CTNNB1: variants seen among roughly 807,000 people sequenced by gnomAD.
CTNNB1 encodes the protein catenin beta 1.
A neutral mutation model predicts 82.5 loss-of-function variants in CTNNB1; 6 were observed. The observed-to-expected ratio is 0.07, with a 90% CI of 0.04 to 0.14. CTNNB1 has a LOEUF of 0.14. CTNNB1 is among the 10% of genes least tolerant of loss of function. The pLI is 1.00. For missense variants in CTNNB1, 529 were observed against 980.4 expected (o/e 0.54, Z 6.15); for synonymous variants, 312 against 329.7 (o/e 0.95, Z 0.58).
chr3:41,201,785 C>T (rs1024211100), intron 1 of CTNNB1, among the ~76,000 whole-genome samples: 1 of 151,628 alleles, frequency 6.6e-6, no homozygotes, highest in Non-Finnish European at 1.5e-5. Context: ...GTTTTTTAAA[C>T]TGTTATCTGA....
At chr3:41,236,903 A>G (rs1379307673) in intron 13 of CTNNB1, 194 bp downstream of exon 13, 1 of 647,386 alleles carries the variant, frequency 1.5e-6, no homozygotes, top group Non-Finnish European at 2.7e-6. Flanking sequence ...TCTGTTCAGA[A>G]TCATTACAAA....
chr3:41,234,343 A>G (rs757904168), intron 10 of CTNNB1, 46 bp downstream of exon 10: 15 of 1,600,120 alleles, frequency 9.4e-6, no homozygotes, highest in African/African-American at 2.7e-5. Flanking sequence ...AAAGGAATGC[A>G]TAAATCCAAA....
chr3:41,232,327 T>C (rs768437934), intron 7 of CTNNB1, among the ~76,000 whole-genome samples: 4 of 152,048 alleles, frequency 2.6e-5, no homozygotes, highest in Non-Finnish European at 4.4e-5. Flanking sequence ...TGATCATCAG[T>C]CTTACGCAGA....
intron 1 of CTNNB1, among the ~76,000 whole-genome samples, chr3:41,201,203 T>C (rs992875162): frequency 3.3e-5 from 5 of 152,230 alleles, no homozygotes; most frequent in African/African-American, 1.2e-4. Flanking sequence ...ATAGTAAATA[T>C]AGTCTCAAGT....
chr3:41,223,831 T>C (rs1040486242), intron 1 of CTNNB1, among the ~76,000 whole-genome samples, 190 bp from the exon 2 acceptor site: 1 of 152,184 alleles, frequency 6.6e-6, no homozygotes, highest in Non-Finnish European at 1.5e-5. Flanking sequence ...TCACTGAAGT[T>C]CAGCAGTGAT....
rs11564470 is a variant in CTNNB1, at chr3:41,237,054, C to T, written c.2076+345C>T. On this transcript the variant is annotated intron_variant, in intron 13 of 14. Transcript: ENST00000349496. ...GAGGACAGTTTATCAGTATTTTTTA[C>T]TAAACTTTAATAAAACTTTTCTATT... The T allele has an allele frequency of 3.4e-3, 1,414 of 413,110 alleles. 26 individuals carry two copies. Among genetic ancestry groups the T allele is most frequent in the African/African-American group, 0.026 (1,277 of 49,182 alleles). 25.6% of individuals were successfully genotyped at this position (413,110 alleles called of 1,614,324 possible). A position where few individuals can be genotyped will look rare whatever the true frequency, so the allele number is the denominator to read the frequency against.
chr3:41,226,063 C>T (rs955575110), intron 6 of CTNNB1, among the ~76,000 whole-genome samples: 3 of 152,072 alleles, frequency 2.0e-5, no homozygotes, highest in Non-Finnish European at 4.4e-5. Context: ...TCATAGGGAG[C>T]GTGCAGCCTA....
intron 1 of CTNNB1, 130 bp downstream of exon 1, chr3:41,199,800 G>A (rs1048859648): frequency 6.6e-6 from 1 of 151,554 alleles, no homozygotes; most frequent in South Asian, 2.1e-4. Context: ...TGGGAGCGGG[G>A]AGCTCAGGTG....
intron 11 of CTNNB1, 113 bp from the exon 12 acceptor site, chr3:41,236,236 C>A: frequency 8.4e-7 from 1 of 1,197,264 alleles, no homozygotes; most frequent in Non-Finnish European, 1.2e-6. Flanking sequence ...ATATTATTTA[C>A]TACAGTGTGA....
At chr3:41,236,089 G>A in intron 11 of CTNNB1, 1 of 680,292 alleles carries the variant, frequency 1.5e-6, no homozygotes, top group Non-Finnish European at 2.5e-6. Flanking sequence ...GCAGGGCATA[G>A]ACCCCCAACC....
At chr3:41,209,648 C>T (rs568486150) in intron 1 of CTNNB1, among the ~76,000 whole-genome samples, 190 of 152,270 alleles carry the variant, frequency 1.2e-3, no homozygotes, top group Non-Finnish European at 2.3e-3. Context: ...GCCTACTACA[C>T]ATCTAGGCTA....
chr3:41,238,576 T>C, intron 14 of CTNNB1: 1 of 193,726 alleles, frequency 5.2e-6, no homozygotes, highest in South Asian at 1.0e-4. Context: ...CCGCATCTGC[T>C]TCTACCTAAT....
In CTNNB1 at chr3:41,224,558, C is replaced by A. The variant is rs1290293308; in HGVS notation, c.46C>A (p.Pro16Thr). 6.2e-7 allele frequency: 1 copy of A among 1,613,730 alleles called. No homozygotes were observed. The highest frequency in any genetic ancestry group is 8.5e-7 in the Non-Finnish European group (1 of 1,179,942). Residue 16 changes from proline to threonine, a missense_variant, in exon 3 of 15, where the codon CCA (proline) becomes ACA (threonine). Pro to Thr is a conservative substitution (Grantham distance 38). This residue lies in a region of CTNNB1 where 13 missense variants were observed against 48.6 expected (regional missense o/e 0.27). Transcript: ENST00000349496. ...DLMELDMAME[P>T]DRKAAVSHWQ... ...GATGGAGTTGGACATGGCCATGGAA[C>A]CAGACAGAAAAGCGGCTGTTAGTCA... is the stretch of plus-strand genomic sequence containing the variant.
At position 41,233,806 on chromosome 3, in the gene CTNNB1, A is replaced by G. The variant is rs2125640534; in HGVS notation, c.1463A>G (p.His488Arg). ...ATGGCCCAGAATGCAGTTCGCCTTC[A>G]CTATGGACTACCAGTTGTGGTTAAG... ...AEMAQNAVRL[H>R]YGLPVVVKLL... Residue 488 changes from histidine (H) to arginine (R), a missense_variant, in exon 9 of 15, where the codon CAC becomes CGC. By Grantham distance (29) the His-to-Arg change is conservative. This residue lies in a region of CTNNB1 where 411 missense variants were observed against 776.4 expected (regional missense o/e 0.53). Coordinates refer to ENST00000349496, the MANE Select transcript of CTNNB1 (RefSeq NM_001904.4). The G allele has an allele frequency of 6.2e-7, 1 of 1,613,188 alleles. No individual in the cohort carries two copies. The highest frequency in any genetic ancestry group is 8.5e-7 in the Non-Finnish European group (1 of 1,179,320).
chr3:41,226,809 A>G (rs2125626541), intron 6 of CTNNB1, among the ~76,000 whole-genome samples: 1 of 152,332 alleles, frequency 6.6e-6, no homozygotes, highest in Middle Eastern at 3.4e-3. Flanking sequence ...AGGAAAATTA[A>G]AGGGCCAAAT....
At position 41,235,583 on chromosome 3, in the gene CTNNB1, T is replaced by G; in HGVS notation, c.1684-141T>G. The G allele has an allele frequency of 3.6e-6, 4 of 1,112,394 alleles. 1 individual carries two copies. Among genetic ancestry groups the G allele is most frequent in the African/African-American group, 3.1e-5 (2 of 65,080 alleles). 68.9% of individuals were successfully genotyped at this position (1,112,394 alleles called of 1,614,324 possible). On this transcript the variant is annotated intron_variant, in intron 10 of 14. Coordinates refer to ENST00000349496, the MANE Select transcript of CTNNB1 (RefSeq NM_001904.4). Reference sequence around the variant, plus strand: ...CTCTTTTCAGTGACATTCAAGTTAATGGAATCCTTCTTCCTTCCTGAACTA... The same window carrying G: ...CTCTTTTCAGTGACATTCAAGTTAAGGGAATCCTTCTTCCTTCCTGAACTA...
intron 7 of CTNNB1, among the ~76,000 whole-genome samples, chr3:41,227,879 C>G (rs989696397): frequency 1.3e-5 from 2 of 152,064 alleles, no homozygotes; most frequent in Non-Finnish European, 2.9e-5. Context: ...TCTTTACCTC[C>G]CACCCGTAAG....
chr3:41,209,715 G>C (rs1278532466), intron 1 of CTNNB1, among the ~76,000 whole-genome samples: 1 of 152,128 alleles, frequency 6.6e-6, no homozygotes, highest in Admixed American at 6.5e-5. Context: ...ATAAAGGTAG[G>C]TATTTTTATC....
intron 7 of CTNNB1, among the ~76,000 whole-genome samples, chr3:41,228,117 A>G (rs185281927): frequency 6.6e-6 from 1 of 152,190 alleles, no homozygotes; most frequent in African/African-American, 2.4e-5. Context: ...TATCTAGTCT[A>G]CCATTGATGG....
Sources: gnomAD v4.1 joint callset for allele counts (sites outside exome capture counted in the v4.1 genomes callset) on GRCh38, gnomAD v4.1.1 for gene constraint, gnomAD v4.1.1 regional missense constraint, MANE v1.5 for transcripts, NCBI Gene and HGNC (gene_info 2026-07-23, HGNC 2026-07-21) for gene names.